The following RALGAPA1 variants were observed in gnomAD, a reference collection of about 807,000 sequenced individuals.
The protein encoded by RALGAPA1 is ral GTPase-activating protein subunit alpha-1.
Under a neutral mutation model 269.6 loss-of-function variants are expected in RALGAPA1, and 52 were observed. The ratio of observed to expected loss-of-function variants is 0.19; its 90% CI spans 0.15 to 0.24. The LOEUF (loss-of-function observed/expected upper bound fraction) is 0.24, where lower values mean the gene tolerates loss of function less well. RALGAPA1 is among the 10% of genes least tolerant of loss of function. The pLI is 1.00. For missense variants in RALGAPA1, 1,917 were observed against 3,013.9 expected (o/e 0.64, Z 8.52); for synonymous variants, 817 against 1,008.3 (o/e 0.81, Z 3.60).
At position 35,809,160 on chromosome 14, in the gene RALGAPA1, G is replaced by A; in HGVS notation, c.-325C>T. On this transcript the variant is annotated 5_prime_UTR_variant, in exon 1 of 42. Coordinates refer to ENST00000680220, the MANE Select transcript of RALGAPA1 (RefSeq NM_001346249.2). Reference sequence around the variant, plus strand: ...CCAGCGGCCGCCGCTCGCCGCCACAGGCCGGGGCCCCGGACCCAGAGCCAC... The same window carrying A: ...CCAGCGGCCGCCGCTCGCCGCCACAAGCCGGGGCCCCGGACCCAGAGCCAC... The A allele has an allele frequency of 3.4e-6, 1 of 291,768 alleles. No homozygotes were observed. The highest frequency in any genetic ancestry group is 5.4e-5 in the South Asian group (1 of 18,548). 18.1% of individuals were successfully genotyped at this position (291,768 alleles called of 1,614,324 possible). A position where few individuals can be genotyped will look rare whatever the true frequency, so the allele number is the denominator to read the frequency against.
intron 39 of RALGAPA1, among the ~76,000 whole-genome samples, chr14:35,566,890 CTA>C (rs143621002): frequency 0.13 from 19,034 of 145,288 alleles, 2,078 homozygotes; most frequent in East Asian, 0.31. Context: ...TATATTTGTA[CTA>C]TATATATATA....
chr14:35,784,790 C>A (rs1173883737), intron 1 of RALGAPA1, among the ~76,000 whole-genome samples: 2 of 152,110 alleles, frequency 1.3e-5, no homozygotes, highest in African/African-American at 4.8e-5. Context: ...CACATTTATG[C>A]AGTTGAAGAC....
chr14:35,708,412 A>G (rs2067996014), intron 16 of RALGAPA1, among the ~76,000 whole-genome samples: 1 of 152,202 alleles, frequency 6.6e-6, no homozygotes, highest in South Asian at 2.1e-4. Flanking sequence ...TACAGGAAAA[A>G]AATTAATAAT....
chr14:35,634,265 T>C (rs1205686282), intron 33 of RALGAPA1, among the ~76,000 whole-genome samples: 1 of 152,182 alleles, frequency 6.6e-6, no homozygotes, highest in Non-Finnish European at 1.5e-5. Context: ...AGATTAGGGA[T>C]GCTCAACTGG....
intron 35 of RALGAPA1, among the ~76,000 whole-genome samples, chr14:35,608,319 C>T (rs1045502343): frequency 7.2e-5 from 11 of 152,076 alleles, no homozygotes; most frequent in African/African-American, 1.9e-4. Context: ...CCAATAAGTA[C>T]GTGATAACCC....
Position 35,700,910 on chromosome 14 carries a change from A to ATT in RALGAPA1, c.2267-609_2267-608insAA, listed in dbSNP as rs549429182. ...TAATCAAATCAGTATCTTTTATAATAAAGTATAGGAGTATAATTAAAATTT... is the reference window on the plus strand; with the variant it reads ...TAATCAAATCAGTATCTTTTATAATATTAAGTATAGGAGTATAATTAAAATTT... On this transcript the variant is annotated intron_variant, in intron 16 of 41. Coordinates refer to ENST00000680220, the MANE Select transcript of RALGAPA1 (RefSeq NM_001346249.2). Among the ~76,000 whole-genome samples the ATT allele has an allele frequency of 1.4e-3, 210 of 152,316 alleles. 1 individual carries two copies. The South Asian group carries it at 0.017, about 13-fold the overall frequency.
chr14:35,657,956 C>G (rs1463448084), intron 28 of RALGAPA1, among the ~76,000 whole-genome samples: 2 of 152,066 alleles, frequency 1.3e-5, no homozygotes, highest in East Asian at 3.8e-4. Context: ...GCACTTAGAA[C>G]AGTGCCTAGC....
chr14:35,670,902 G>A (rs747913432), intron 26 of RALGAPA1, among the ~76,000 whole-genome samples: 1 of 149,714 alleles, frequency 6.7e-6, no homozygotes, highest in Non-Finnish European at 1.5e-5. Context: ...CAGCCTGGGC[G>A]ACAGAGTAAG....
In RALGAPA1 at chr14:35,686,636, G is replaced by C. The variant is rs373286209; in HGVS notation, c.3983C>G (p.Pro1328Arg). ...GCCGCCAATATCACTATTAAGAGGAGGCAGTTTTTGGCTCATGTCCTCTTT... is the reference window on the plus strand; with the variant it reads ...GCCGCCAATATCACTATTAAGAGGACGCAGTTTTTGGCTCATGTCCTCTTT... ...VNKEDMSQKL[P>R]PLNSDIGGSS... Residue 1328 changes from proline to arginine, a missense_variant, in exon 19 of 42, where the codon CCT (proline) becomes CGT (arginine). Physicochemically the swap from Pro to Arg is moderately radical, Grantham distance 103. Around this residue, in one of 11 missense-constraint regions of RALGAPA1, gnomAD observed 615 missense variants for 790.0 expected, o/e 0.78. Coordinates refer to ENST00000680220, the MANE Select transcript of RALGAPA1 (RefSeq NM_001346249.2). 6.3e-7 allele frequency: 1 copy of C among 1,593,792 alleles called. No individual in the cohort carries two copies. Among genetic ancestry groups the C allele is most frequent in the African/African-American group, 1.3e-5 (1 of 74,310 alleles).
chr14:35,543,783 T>C (rs1041332382), intron 41 of RALGAPA1, among the ~76,000 whole-genome samples: 4 of 152,146 alleles, frequency 2.6e-5, no homozygotes, highest in Admixed American at 2.0e-4. Flanking sequence ...GCTGGGATTA[T>C]AGGCGCATGC....
chr14:35,650,868 CAGAACTTTGTGCAAT>C lies in RALGAPA1; in HGVS notation c.5676+922_5676+936del, dbSNP rs1182315915. ...TAACAGAACTTTGTGCCTTGTCTAA[CAGAACTTTGTGCAAT>C]GATGAAAATGGTCTATATTTGCCCA... On this transcript the variant is annotated intron_variant, in intron 31 of 41. Transcript: ENST00000680220. Among the ~76,000 whole-genome samples the C allele has an allele frequency of 8.5e-5, 13 of 152,100 alleles. No individual in the cohort carries two copies. In the East Asian group the frequency reaches 1.3e-3, roughly 16 times the overall value.
intron 34 of RALGAPA1, among the ~76,000 whole-genome samples, chr14:35,626,845 T>C (rs751076690): frequency 2.0e-5 from 3 of 152,236 alleles, no homozygotes; most frequent in Middle Eastern, 3.4e-3. Context: ...AAATGAGCTA[T>C]AATTTCTAAG....
intron 15 of RALGAPA1, among the ~76,000 whole-genome samples, chr14:35,722,415 T>C (rs970651786): frequency 2.6e-5 from 4 of 152,216 alleles, no homozygotes; most frequent in Admixed American, 2.0e-4. Context: ...AGTTCAAGAC[T>C]AGCCTGGGCA....
chr14:35,724,567 A>G (rs1036953233), intron 14 of RALGAPA1, among the ~76,000 whole-genome samples: 1 of 152,230 alleles, frequency 6.6e-6, no homozygotes, highest in Non-Finnish European at 1.5e-5. Flanking sequence ...TTATTAAAAA[A>G]AAGCATGATA....
At chr14:35,711,373 A>T (rs1293478130) in intron 16 of RALGAPA1, among the ~76,000 whole-genome samples, 19 of 152,224 alleles carry the variant, frequency 1.2e-4, no homozygotes, top group Non-Finnish European at 1.2e-4. Flanking sequence ...CTAGCATATG[A>T]ATTACACTAC....
chr14:35,647,126 T>C (rs1443157257), intron 31 of RALGAPA1, among the ~76,000 whole-genome samples: 3 of 152,180 alleles, frequency 2.0e-5, no homozygotes, highest in Admixed American at 1.3e-4. Flanking sequence ...CAATTCTCTA[T>C]GAAGAATAGG....
At chr14:35,645,759 T>C (rs865956456) in intron 31 of RALGAPA1, among the ~76,000 whole-genome samples, 1 of 149,514 alleles carries the variant, frequency 6.7e-6, no homozygotes, top group Non-Finnish European at 1.5e-5. Flanking sequence ...GATATCCCAG[T>C]AGCAATGTGC....
chr14:35,635,655 A>T, intron 31 of RALGAPA1, 57 bp from the exon 32 acceptor site: 1 of 1,400,870 alleles, frequency 7.1e-7, no homozygotes, highest in Non-Finnish European at 9.4e-7. Context: ...TGCTTCTTAA[A>T]AATTCATTTT....
At chr14:35,784,009 A>G (rs1353655125) in intron 1 of RALGAPA1, among the ~76,000 whole-genome samples, 1 of 152,160 alleles carries the variant, frequency 6.6e-6, no homozygotes, top group Non-Finnish European at 1.5e-5. Context: ...GCAGGTCCCT[A>G]AAAAGTTTAA....
Sources: allele counts gnomAD v4.1 joint callset (sites outside exome capture counted in the v4.1 genomes callset), GRCh38; gene constraint gnomAD v4.1.1; regional missense constraint gnomAD v4.1.1; transcripts MANE v1.5; gene names NCBI Gene and HGNC (gene_info 2026-07-23, HGNC 2026-07-21).